Variants in NOS1 observed in about 807,000 individuals in gnomAD.
NOS1 encodes nitric oxide synthase 1.
In NOS1, 51 loss-of-function variants were observed where a neutral mutation model predicts 164.5. That is an observed-to-expected ratio of 0.31 (90% CI 0.25 to 0.39). The LOEUF is 0.39. Among genes scored for constraint, NOS1 ranks in the 10% least tolerant of loss-of-function variants. The probability of loss-of-function intolerance (pLI) is 1.00; values close to 1 mark genes in which losing one functional copy is unlikely to be tolerated. For synonymous variants in NOS1, 719 were observed against 745.8 expected (o/e 0.96, Z 0.59); for missense variants, 1,362 against 1,885.6 (o/e 0.72, Z 5.14).
chr12:117,262,699 A>T (rs1426000636), intron 13 of NOS1, among the ~76,000 whole-genome samples: 1 of 152,134 alleles, frequency 6.6e-6, no homozygotes, highest in South Asian at 2.1e-4. Flanking sequence ...GAGGAAACAG[A>T]GTAGTGTCTT....
chr12:117,299,966 C>G (rs893349382), intron 3 of NOS1, among the ~76,000 whole-genome samples: 1 of 152,094 alleles, frequency 6.6e-6, no homozygotes, highest in African/African-American at 2.4e-5. Flanking sequence ...CTGTAATTAT[C>G]TCGTGGCCTG....
chr12:117,305,176 A>C, intron 3 of NOS1: 1 of 729,258 alleles, frequency 1.4e-6, no homozygotes, highest in Non-Finnish European at 1.7e-6. Context: ...ATAGAAGCTG[A>C]TTCCGGCTGG....
chr12:117,306,651 G>A (rs956102180), intron 3 of NOS1, among the ~76,000 whole-genome samples: 2 of 148,218 alleles, frequency 1.3e-5, no homozygotes, highest in Non-Finnish European at 3.0e-5. Context: ...ATGGAGTCTC[G>A]CTCTGTCGCC....
In NOS1 at chr12:117,226,839, G is replaced by A. The variant is rs1868738128; in HGVS notation, c.3617-69C>T. 3 of 1,208,484 alleles carry A rather than the reference G, an allele frequency of 2.5e-6. No homozygotes were observed. In the East Asian group the frequency reaches 7.2e-5, roughly 29 times the overall value. 74.9% of individuals were successfully genotyped at this position (1,208,484 alleles called of 1,614,324 possible). A position where few individuals can be genotyped will look rare whatever the true frequency, so the allele number is the denominator to read the frequency against. On this transcript the variant is annotated intron_variant, in intron 23 of 28. Transcript: ENST00000317775. ...AGCACGGCCTCCCCTCCTCCCTCCA[G>A]TGCAAAATACCCACAGGCCCAGTGC...
chr12:117,221,652 G>C (rs2135926143), intron 26 of NOS1, among the ~76,000 whole-genome samples: 1 of 150,406 alleles, frequency 6.6e-6, no homozygotes, highest in African/African-American at 2.4e-5. Flanking sequence ...TTATTGTTTA[G>C]AGACAGAGTC....
intron 7 of NOS1, among the ~76,000 whole-genome samples, chr12:117,283,878 A>T (rs889593855): frequency 6.7e-6 from 1 of 149,066 alleles, no homozygotes; most frequent in Admixed American, 6.7e-5. Context: ...AAAAAAAAAA[A>T]GGAAATCCAC....
At chr12:117,253,597 T>G in intron 17 of NOS1, 41 bp downstream of exon 17, 1 of 1,393,276 alleles carries the variant, frequency 7.2e-7, no homozygotes. Flanking sequence ...CCAGGAGCCT[T>G]AGTCTTCCCT....
chr12:117,282,921 C>A (rs1873786393), intron 7 of NOS1, among the ~76,000 whole-genome samples: 1 of 151,988 alleles, frequency 6.6e-6, no homozygotes, highest in Non-Finnish European at 1.5e-5. Flanking sequence ...GGAACCAGAA[C>A]ACACATCTAT....
chr12:117,243,378 A>C lies in NOS1; in HGVS notation c.2881T>G (p.Ser961Ala). 2 of 1,614,004 alleles carry C rather than the reference A, an allele frequency of 1.2e-6. No homozygotes were observed. The highest frequency in any genetic ancestry group is 1.7e-6 in the Non-Finnish European group (2 of 1,179,998). Reference protein sequence around the residue: ...DDVNIEKANNSLISNDRSWKR... With the variant: ...DDVNIEKANNALISNDRSWKR... ...CAGCTGCGATCATTGCTGATGAGGG[A>C]ATTGTTGGCCTTTTCAATGTTGACA... The change falls in exon 19 of 29, where the codon TCC becomes GCC. Residue 961 changes from serine (S) to alanine (A), a missense_variant. Around this residue, in one of 4 missense-constraint regions of NOS1, gnomAD observed 737 missense variants for 1,030.3 expected, o/e 0.72. Transcript: ENST00000317775. This position sits in a 1 kb window ranked among gnomAD's most constrained non-coding sequence, Gnocchi z 4.3.
At chr12:117,311,178 T>C (rs1274961968) in intron 3 of NOS1, among the ~76,000 whole-genome samples, 1 of 152,198 alleles carries the variant, frequency 6.6e-6, no homozygotes, top group Non-Finnish European at 1.5e-5. Context: ...ATGTATCTTT[T>C]ATATCTTTTA....
intron 1 of NOS1, among the ~76,000 whole-genome samples, chr12:117,341,851 TA>T (rs1333616650): frequency 2.0e-5 from 3 of 152,136 alleles, no homozygotes; most frequent in Non-Finnish European, 4.4e-5. Context: ...TGGGATAATT[TA>T]AATGGAAGTG....
chr12:117,218,340 A>G (rs1471881638), intron 27 of NOS1, among the ~76,000 whole-genome samples, 176 bp from the exon 28 acceptor site: 2 of 152,142 alleles, frequency 1.3e-5, no homozygotes, highest in African/African-American at 4.8e-5. Context: ...CTGCTCAGCA[A>G]AACTGTTCTC....
intron 10 of NOS1, among the ~76,000 whole-genome samples, chr12:117,270,761 C>T (rs868402690): frequency 2.0e-5 from 3 of 152,058 alleles, no homozygotes; most frequent in East Asian, 1.9e-4. Context: ...TTAGGCTGGG[C>T]GTGGTGGCTC....
chr12:117,331,301 T>C lies in NOS1; in HGVS notation c.-232A>G. 2 of 542,758 alleles carry C rather than the reference T, an allele frequency of 3.7e-6. No individual in the cohort carries two copies. Among genetic ancestry groups the C allele is most frequent in the Non-Finnish European group, 6.5e-6 (2 of 306,018 alleles). The allele number at this position is 542,758 out of a possible 1,614,324, so 33.6% of individuals were successfully genotyped here. On this transcript the variant is annotated 5_prime_UTR_variant, in exon 2 of 29. Coordinates refer to ENST00000317775, the MANE Select transcript of NOS1 (RefSeq NM_000620.5). ...TGCATCCGCCTCTCTCCTTATTCTC[T>C]AAGGAAGTGATGGTTGACCAGGCAG...
Position 117,330,085 on chromosome 12 carries a change from C to A in NOS1, c.725+260G>T, listed in dbSNP as rs1875452002. ...TAGGGGATAAAGATGAGAAGACACA[C>A]TGTCTGCTACCATGATGATTAATTC... On this transcript the variant is annotated intron_variant, in intron 2 of 28. Coordinates refer to ENST00000317775, the MANE Select transcript of NOS1 (RefSeq NM_000620.5). This position sits in a 1 kb window ranked among gnomAD's most constrained non-coding sequence, Gnocchi z 4.6. 6.6e-6 allele frequency among the ~76,000 whole-genome samples: 1 copy of A among 152,234 alleles called. No homozygotes were observed. Among genetic ancestry groups the A allele is most frequent in the Non-Finnish European group, 1.5e-5 (1 of 68,050 alleles).
At chr12:117,215,380 CCT>C in intron 28 of NOS1, 56 bp from the exon 29 acceptor site, 1 of 1,455,596 alleles carries the variant, frequency 6.9e-7, no homozygotes, top group Non-Finnish European at 9.1e-7. Context: ...GCTGCTGTTT[CCT>C]CTGAGTGCCC....
chr12:117,290,733 C>T (rs9658326), intron 3 of NOS1, among the ~76,000 whole-genome samples: 201 of 152,128 alleles, frequency 1.3e-3, no homozygotes, highest in Admixed American at 0.011. Context: ...AGGAAGGACT[C>T]GGTGAATATT....
At chr12:117,290,001 CTGGCTGCT>C (rs1448769942) in intron 4 of NOS1, among the ~76,000 whole-genome samples, 1 of 152,176 alleles carries the variant, frequency 6.6e-6, no homozygotes, top group African/African-American at 2.4e-5. Flanking sequence ...TCTGCTTTTT[CTGGCTGCT>C]TGTTGTTAGA....
At chr12:117,244,965 T>A (rs1181155012) in intron 18 of NOS1, among the ~76,000 whole-genome samples, 1 of 152,170 alleles carries the variant, frequency 6.6e-6, no homozygotes, top group Admixed American at 6.5e-5. Flanking sequence ...TGCTTCCTGG[T>A]TGCTCAGTCA....
Sources: gnomAD v4.1 joint callset for allele counts (sites outside exome capture counted in the v4.1 genomes callset) on GRCh38, gnomAD v4.1.1 for gene constraint, gnomAD v4.1.1 regional missense constraint, Gnocchi (gnomAD v3.1) non-coding constraint, MANE v1.5 for transcripts, NCBI Gene and HGNC (gene_info 2026-07-23, HGNC 2026-07-21) for gene names.